ADPRM: variants seen among roughly 807,000 people sequenced by gnomAD.
ADPRM encodes ADP-ribose/CDP-alcohol diphosphatase, manganese dependent.
Under a neutral mutation model 27.2 loss-of-function variants are expected in ADPRM, and 17 were observed. The observed-to-expected ratio is 0.63, with a 90% CI of 0.43 to 0.94. ADPRM has a LOEUF of 0.94. ADPRM is among the 40% of genes least tolerant of loss of function. ADPRM has a pLI of 0.00. For synonymous variants in ADPRM, 135 were observed against 145.3 expected (o/e 0.93, Z 0.51); for missense variants, 337 against 412.8 (o/e 0.82, Z 1.59).
intron 1 of ADPRM, 72 bp downstream of exon 1, chr17:10,697,739 G>C: frequency 1.6e-6 from 1 of 614,976 alleles, no homozygotes; most frequent in Non-Finnish European, 2.9e-6. Flanking sequence ...CGGGACAGCG[G>C]AGCGCCGGGA....
chr17:10,697,868 G>A, intron 1 of ADPRM: 2 of 317,020 alleles, frequency 6.3e-6, no homozygotes, highest in Non-Finnish European at 1.2e-5. Flanking sequence ...TCGCGCCGGG[G>A]ACACCCCCAC....
At position 10,706,510 on chromosome 17, in the gene ADPRM, T is replaced by C. The variant is rs1300302281; in HGVS notation, c.674T>C (p.Val225Ala). Reference protein sequence around the residue: ...SQEQLNWLNEVLTFSDTNQEK... With the variant: ...SQEQLNWLNEALTFSDTNQEK... ...GAACAGCTAAACTGGTTGAATGAAG[T>C]GCTAACATTCTCTGACACAAACCAA... is the stretch of plus-strand genomic sequence containing the variant. Residue 225 changes from valine (V) to alanine (A), a missense_variant, in exon 3 of 4, where the codon GTG (valine) becomes GCG (alanine). Val to Ala is a moderately conservative substitution (Grantham distance 64). Coordinates refer to ENST00000379774, the MANE Select transcript of ADPRM (RefSeq NM_020233.5). The C allele has an allele frequency of 6.3e-7, 1 of 1,595,774 alleles. No homozygotes were observed. Among genetic ancestry groups the C allele is most frequent in the South Asian group, 1.2e-5 (1 of 86,658 alleles).
chr17:10,697,913 G>A (rs973636935), intron 1 of ADPRM: 1 of 244,974 alleles, frequency 4.1e-6, no homozygotes, highest in Admixed American at 5.6e-5. Context: ...AGAGACCCAC[G>A]GGACTGGGCA....
At position 10,705,508 on chromosome 17, in the gene ADPRM, G is replaced by A. The variant is rs1470951270; in HGVS notation, c.582G>A (p.Thr194=). 3.1e-5 allele frequency: 50 copies of A among 1,613,194 alleles called. No individual in the cohort carries two copies. Among genetic ancestry groups the A allele is most frequent in the Non-Finnish European group, 3.6e-5 (42 of 1,179,738 alleles). The change falls in exon 2 of 4, where the codon ACG becomes ACA. Residue 194 remains threonine, a synonymous_variant. Transcript: ENST00000379774. The surrounding 1 kb of genome is among the most constrained non-coding windows in gnomAD (Gnocchi z 5.4). ...MKILREHNPN[T]ELNSPQGLSE... ...TATTGAGGGAGCACAATCCAAATAC[G>A]GAACTGAATAGTCCTCAAGGTGAAT...
chr17:10,708,429 C>CAAAAAAAAAAAAAAAA (rs1206878055), intron 3 of ADPRM, among the ~76,000 whole-genome samples: 12 of 30,598 alleles, frequency 3.9e-4, no homozygotes, highest in African/African-American at 1.7e-3. Context: ...AACTCCGTCT[C>CAAAAAAAAAAAAAAAA]AAAAAAAAAA....
rs1351556932 is a variant in ADPRM at position 10,702,841 on chromosome 17, T to C, written c.-17-2069T>C. Reference sequence around the variant, plus strand: ...TAGAGAAAAATTGGGTGCTGTCACCTTAAGAACAGGAAATGAATGCTGGGT... The same window carrying C: ...TAGAGAAAAATTGGGTGCTGTCACCCTAAGAACAGGAAATGAATGCTGGGT... On this transcript the variant is annotated intron_variant, in intron 1 of 3. Transcript: ENST00000379774. This position sits in a 1 kb window ranked among gnomAD's most constrained non-coding sequence, Gnocchi z 4.2. Among the ~76,000 whole-genome samples, 2 of 152,108 alleles carry C rather than the reference T, an allele frequency of 1.3e-5. No individual in the cohort carries two copies. The highest frequency in any genetic ancestry group is 2.9e-5 in the Non-Finnish European group (2 of 68,008).
intron 1 of ADPRM, chr17:10,697,893 CA>C: frequency 3.5e-6 from 1 of 287,634 alleles, no homozygotes; most frequent in Non-Finnish European, 6.5e-6. Flanking sequence ...GAAGAGAGAA[CA>C]CACTGCCTAG....
intron 3 of ADPRM, among the ~76,000 whole-genome samples, chr17:10,709,584 T>G (rs995480604): frequency 3.9e-5 from 6 of 152,088 alleles, no homozygotes; most frequent in Admixed American, 1.3e-4. Context: ...TCCAAGTGTT[T>G]CAGGGAGAAG....
intron 3 of ADPRM, among the ~76,000 whole-genome samples, chr17:10,707,932 C>T (rs530235254): frequency 6.6e-6 from 1 of 152,164 alleles, no homozygotes; most frequent in South Asian, 2.1e-4. Context: ...TGCAGCATGG[C>T]TGGGAGACTT....
At chr17:10,710,083 GTT>G (rs2074841162) in intron 3 of ADPRM, among the ~76,000 whole-genome samples, 2 of 40,186 alleles carry the variant, frequency 5.0e-5, no homozygotes, top group African/African-American at 1.9e-4. Context: ...TGCCTAAACT[GTT>G]TGTTTATTTA....
intron 1 of ADPRM, 72 bp from the exon 2 acceptor site, chr17:10,704,838 T>C (rs1398939506): frequency 7.8e-7 from 1 of 1,290,246 alleles, no homozygotes; most frequent in Non-Finnish European, 1.1e-6. Context: ...ACATTCCCTT[T>C]ATCATTTTCT....
intron 3 of ADPRM, among the ~76,000 whole-genome samples, chr17:10,707,032 C>A (rs897412112): frequency 2.0e-5 from 3 of 152,062 alleles, no homozygotes; most frequent in Admixed American, 2.0e-4. Flanking sequence ...TTGGCTTTTT[C>A]TAAGTTTCTT....
chr17:10,711,231 G>A lies in ADPRM; in HGVS notation c.*87G>A. On this transcript the variant is annotated 3_prime_UTR_variant, in exon 4 of 4. Coordinates refer to ENST00000379774, the MANE Select transcript of ADPRM (RefSeq NM_020233.5). ...TAAAAATCCTCTGTCTCATTGTTTA[G>A]TATTCAGCTTGCATAACAAAATGTA... 9.6e-7 allele frequency: 1 copy of A among 1,041,984 alleles called. No individual in the cohort carries two copies. Among genetic ancestry groups the A allele is most frequent in the Admixed American group, 2.7e-5 (1 of 37,290 alleles). 64.5% of individuals were successfully genotyped at this position (1,041,984 alleles called of 1,614,324 possible).
At chr17:10,710,486 T>C (rs2074843903) in intron 3 of ADPRM, among the ~76,000 whole-genome samples, 2 of 152,260 alleles carry the variant, frequency 1.3e-5, no homozygotes, top group Admixed American at 1.3e-4. Context: ...CAGCACAGCA[T>C]CTGCCCAGTT....
At chr17:10,709,195 T>C (rs2074833933) in intron 3 of ADPRM, among the ~76,000 whole-genome samples, 1 of 152,222 alleles carries the variant, frequency 6.6e-6, no homozygotes, top group Non-Finnish European at 1.5e-5. Context: ...TAGGGGACAC[T>C]GCAGGATGAG....
At position 10,705,654 on chromosome 17, in the gene ADPRM, T is replaced by G. The variant is rs2074808072; in HGVS notation, c.601+127T>G. 5 of 1,363,686 alleles carry G rather than the reference T, an allele frequency of 3.7e-6. No individual in the cohort carries two copies. The East Asian group carries it at 1.2e-4, about 34-fold the overall frequency. The allele number at this position is 1,363,686 out of a possible 1,614,324, so 84.5% of individuals were successfully genotyped here. A position where few individuals can be genotyped will look rare whatever the true frequency, so the allele number is the denominator to read the frequency against. ...GTCACTTGTTCAGGGTCAGGATTTCTCACAAGCCTTCTCACATGGATTGGT... is the reference window on the plus strand; with the variant it reads ...GTCACTTGTTCAGGGTCAGGATTTCGCACAAGCCTTCTCACATGGATTGGT... On this transcript the variant is annotated intron_variant, in intron 2 of 3. Coordinates refer to ENST00000379774, the MANE Select transcript of ADPRM (RefSeq NM_020233.5). This position sits in a 1 kb window ranked among gnomAD's most constrained non-coding sequence, Gnocchi z 5.4.
chr17:10,699,286 A>C (rs2074759057), intron 1 of ADPRM: 1 of 152,044 alleles, frequency 6.6e-6, no homozygotes. Context: ...TAAATAAAAT[A>C]AATATAAAAT....
rs183198785 is a variant in ADPRM, at chr17:10,705,874, G to A, written c.601+347G>A. ...GAAACAGAAACAAGATTATTTCCAC[G>A]GTCGTAAGTGCTGCCAAGGAAATAG... On this transcript the variant is annotated intron_variant, in intron 2 of 3. Coordinates refer to ENST00000379774, the MANE Select transcript of ADPRM (RefSeq NM_020233.5). This position sits in a 1 kb window ranked among gnomAD's most constrained non-coding sequence, Gnocchi z 5.4. 9 of 291,204 alleles carry A rather than the reference G, an allele frequency of 3.1e-5. 1 individual carries two copies. The highest frequency in any genetic ancestry group is 2.3e-3 in the Middle Eastern group (2 of 864). The allele number at this position is 291,204 out of a possible 1,614,324, so 18.0% of individuals were successfully genotyped here.
At chr17:10,706,362 C>G in intron 2 of ADPRM, 76 bp from the exon 3 acceptor site, 1 of 957,142 alleles carries the variant, frequency 1.0e-6, no homozygotes, top group Non-Finnish European at 1.6e-6. Flanking sequence ...ACAAGTGTCC[C>G]TACATTAACT....
Sources: gnomAD v4.1 joint callset for allele counts (sites outside exome capture counted in the v4.1 genomes callset) on GRCh38, gnomAD v4.1.1 for gene constraint, Gnocchi (gnomAD v3.1) non-coding constraint, MANE v1.5 for transcripts, NCBI Gene and HGNC (gene_info 2026-07-23, HGNC 2026-07-21) for gene names.